The following SORCS3 variants were observed in gnomAD, a reference collection of about 807,000 sequenced individuals.
The protein encoded by SORCS3 is sortilin related VPS10 domain containing receptor 3, also known as VPS10 domain-containing receptor SorCS3.
SORCS3 carries 57 observed loss-of-function variants against 146.3 expected under a neutral mutation model. The ratio of observed to expected loss-of-function variants is 0.39; its 90% confidence interval spans 0.31 to 0.49. SORCS3 has a LOEUF of 0.49. Among genes scored for constraint, SORCS3 ranks in the 20% least tolerant of loss-of-function variants. SORCS3 has a pLI of 0.92. For missense variants in SORCS3, 1,341 were observed against 1,575.5 expected, an observed-to-expected ratio of 0.85 and a Z score of 2.52; for synonymous variants, 653 against 618.5, an observed-to-expected ratio of 1.06 and a Z score of -0.83.
intron 1 of SORCS3, among the ~76,000 whole-genome samples, chr10:104,753,263 A>G (rs1032041845): frequency 3.3e-5 from 5 of 152,212 alleles, no homozygotes; most frequent in Admixed American, 1.3e-4. Context: ...TAAGGAATCC[A>G]TTTGATGGGT....
chr10:104,713,539 T>C (rs1425995039), intron 1 of SORCS3, among the ~76,000 whole-genome samples: 1 of 152,236 alleles, frequency 6.6e-6, no homozygotes, highest in African/African-American at 2.4e-5. Flanking sequence ...TTTTCCCACA[T>C]TGATTGATGT....
chr10:105,125,679 C>CACA (rs370356129), intron 7 of SORCS3, among the ~76,000 whole-genome samples: 15 of 144,486 alleles, frequency 1.0e-4, no homozygotes, highest in African/African-American at 2.6e-4. Context: ...CACTGAATAT[C>CACA]CACACACACA....
intron 1 of SORCS3, among the ~76,000 whole-genome samples, chr10:104,758,331 G>A (rs2017081319): frequency 6.6e-6 from 1 of 152,154 alleles, no homozygotes; most frequent in Admixed American, 6.5e-5. Context: ...TTTTGCAGGG[G>A]TGGGTGGAGT....
chr10:104,655,350 T>C (rs1589448295), intron 1 of SORCS3, among the ~76,000 whole-genome samples: 1 of 152,108 alleles, frequency 6.6e-6, no homozygotes, highest in East Asian at 1.9e-4. Context: ...GGGCTTGTTG[T>C]ACAGATTATT....
At chr10:105,044,257 C>CTGA (rs1381751251) in intron 5 of SORCS3, among the ~76,000 whole-genome samples, 1 of 152,022 alleles carries the variant, frequency 6.6e-6, no homozygotes, top group African/African-American at 2.4e-5. Flanking sequence ...GTAGTCCCAG[C>CTGA]TACTCAGGAG....
At chr10:105,071,972 G>A (rs2055559071) in intron 5 of SORCS3, among the ~76,000 whole-genome samples, 1 of 152,122 alleles carries the variant, frequency 6.6e-6, no homozygotes, top group Admixed American at 6.5e-5. Context: ...GAAGATGCAA[G>A]GTTCCTGGGT....
At chr10:104,721,195 GGCTA>G (rs1454727540) in intron 1 of SORCS3, among the ~76,000 whole-genome samples, 1 of 152,116 alleles carries the variant, frequency 6.6e-6, no homozygotes, top group Non-Finnish European at 1.5e-5. Context: ...TTCTACATAT[GGCTA>G]GCCAGTTTTC....
At chr10:105,171,974 C>T (rs1162648310) in intron 13 of SORCS3, among the ~76,000 whole-genome samples, 1 of 152,182 alleles carries the variant, frequency 6.6e-6, no homozygotes, top group East Asian at 1.9e-4. Flanking sequence ...CAGAATATCA[C>T]AGTGCTAATT....
intron 20 of SORCS3, among the ~76,000 whole-genome samples, chr10:105,240,264 G>A (rs1176554348): frequency 6.6e-6 from 1 of 152,184 alleles, no homozygotes; most frequent in East Asian, 1.9e-4. Flanking sequence ...TTAAGAGAGG[G>A]CAGAAAAAGG....
At chr10:104,776,678 A>T (rs1418557730) in intron 1 of SORCS3, among the ~76,000 whole-genome samples, 2 of 151,916 alleles carry the variant, frequency 1.3e-5, no homozygotes, top group Non-Finnish European at 2.9e-5. Context: ...GAATCCAGAC[A>T]TACTGCATGG....
chr10:104,821,583 A>AT (rs1434692128), intron 1 of SORCS3, among the ~76,000 whole-genome samples: 1 of 152,216 alleles, frequency 6.6e-6, no homozygotes, highest in East Asian at 1.9e-4. Context: ...TTCAAAGCAC[A>AT]TGGCTCCTTT....
At chr10:104,797,567 G>A (rs1356188958) in intron 1 of SORCS3, among the ~76,000 whole-genome samples, 1 of 151,902 alleles carries the variant, frequency 6.6e-6, no homozygotes, top group African/African-American at 2.4e-5. Flanking sequence ...GTTTGTAATT[G>A]TTTGACTACT....
intron 1 of SORCS3, among the ~76,000 whole-genome samples, chr10:104,764,784 A>G (rs1374736385): frequency 6.6e-6 from 1 of 152,206 alleles, no homozygotes; most frequent in Non-Finnish European, 1.5e-5. Flanking sequence ...CCTGTGTCAT[A>G]TGAATCAGTT....
At chr10:105,009,500 T>C (rs1176476967) in intron 4 of SORCS3, among the ~76,000 whole-genome samples, 1 of 96,488 alleles carries the variant, frequency 1.0e-5, no homozygotes, top group Non-Finnish European at 2.2e-5. Flanking sequence ...TTCTTCCCTG[T>C]AAAAAACAAA....
chr10:105,105,211 TC>T (rs1471679371), intron 6 of SORCS3, among the ~76,000 whole-genome samples, 185 bp from the exon 7 acceptor site: 3 of 152,238 alleles, frequency 2.0e-5, no homozygotes, highest in African/African-American at 7.2e-5. Context: ...TTTCCACTTC[TC>T]TGCCCAAATT....
chr10:105,251,057 T>C (rs571417074), intron 22 of SORCS3, among the ~76,000 whole-genome samples: 248 of 152,330 alleles, frequency 1.6e-3, no homozygotes, highest in African/African-American at 5.8e-3. Context: ...CAGAAATATC[T>C]GGGCAATCAC....
chr10:105,041,071 G>C lies in SORCS3; in HGVS notation c.955-1984G>C, dbSNP rs1306678785. 6.6e-5 allele frequency among the ~76,000 whole-genome samples: 9 copies of C among 136,454 alleles called. No individual in the cohort carries two copies. The East Asian group carries it at 1.6e-3, about 24-fold the overall frequency. 89.5% of individuals were successfully genotyped at this position (136,454 alleles called of 152,430 possible). On this transcript the variant is annotated intron_variant, in intron 4 of 26. Transcript: ENST00000369701. ...ATATAAGAAATATATAAATATATAT[G>C]TATGTATGTATATATATTTATATAT...
chr10:105,235,359 G>T (rs1324435955), intron 20 of SORCS3, among the ~76,000 whole-genome samples: 2 of 151,952 alleles, frequency 1.3e-5, no homozygotes, highest in Admixed American at 6.6e-5. Context: ...TTGGGAGTAT[G>T]TGGTCACCTA....
chr10:104,642,085 A>G, intron 1 of SORCS3, 131 bp downstream of exon 1: 2 of 1,120,672 alleles, frequency 1.8e-6, no homozygotes, highest in East Asian at 2.6e-5. Flanking sequence ...TCGAGATAAC[A>G]GGTTTGTCCG....
Sources: gnomAD v4.1 joint callset for allele counts (sites outside exome capture counted in the v4.1 genomes callset) on GRCh38, gnomAD v4.1.1 for gene constraint, MANE v1.5 for transcripts, NCBI Gene and HGNC (gene_info 2026-07-23, HGNC 2026-07-21) for gene names.